The following ARPC1B variants were observed in gnomAD, a reference collection of about 807,000 sequenced individuals.
The protein encoded by ARPC1B is actin related protein 2/3 complex subunit 1B, also known as actin-related protein 2/3 complex subunit 1B.
In ARPC1B, 29 loss-of-function variants were observed where a neutral mutation model predicts 46.0. The ratio of observed to expected loss-of-function variants is 0.63; its 90% CI spans 0.47 to 0.86. ARPC1B has a LOEUF of 0.86. Ranked by LOEUF, ARPC1B falls within the 40% of genes least tolerant of loss-of-function variation. The pLI is 0.00. For missense variants in ARPC1B, 469 were observed against 529.4 expected (o/e 0.89, Z 1.12); for synonymous variants, 201 against 213.9 (o/e 0.94, Z 0.53).
intron 1 of ARPC1B, among the ~76,000 whole-genome samples, chr7:99,383,651 C>T (rs1413549890): frequency 6.6e-6 from 1 of 152,170 alleles, no homozygotes. Flanking sequence ...CAAAAGTTGA[C>T]ATTTGAGTAC....
intron 1 of ARPC1B, among the ~76,000 whole-genome samples, chr7:99,380,217 C>G (rs1003471328): frequency 6.6e-6 from 1 of 152,128 alleles, no homozygotes; most frequent in African/African-American, 2.4e-5. Flanking sequence ...GGAGTGTCCC[C>G]GGCTAGAATC....
Position 99,386,707 on chromosome 7 carries a change from C to A in ARPC1B, c.87C>A (p.Asn29Lys), listed in dbSNP as rs776262232. ...DRTQIAICPN[N>K]HEVHIYEKSG... ...CAGAGATTGCCATCTGCCCCAACAA[C>A]CATGAGGTGCATATCTATGAAAAGA... The change falls in exon 3 of 10, where the codon AAC (asparagine) becomes AAA (lysine). Residue 29 changes from asparagine to lysine, a missense_variant. By Grantham distance (94) the Asn-to-Lys change is moderately conservative (BLOSUM62 0). Transcript: ENST00000646101. 2 of 1,613,968 alleles carry A rather than the reference C, an allele frequency of 1.2e-6. No individual in the cohort carries two copies. Among genetic ancestry groups the A allele is most frequent in the East Asian group, 2.2e-5 (1 of 44,886 alleles).
At chr7:99,392,997 G>A in intron 8 of ARPC1B, 121 bp downstream of exon 8, 1 of 1,051,208 alleles carries the variant, frequency 9.5e-7, no homozygotes, top group Non-Finnish European at 1.3e-6. Context: ...TTGAGGACTG[G>A]GGACCCGGAG....
At chr7:99,378,444 G>C (rs1418917702) in intron 1 of ARPC1B, among the ~76,000 whole-genome samples, 1 of 151,404 alleles carries the variant, frequency 6.6e-6, no homozygotes, top group African/African-American at 2.4e-5. Flanking sequence ...ACTTTGGGAG[G>C]CCGAGGCGGG....
At chr7:99,389,530 G>C (rs1020742094) in intron 4 of ARPC1B, 1 of 186,570 alleles carries the variant, frequency 5.4e-6, no homozygotes, top group Admixed American at 5.6e-5. Flanking sequence ...CCACGTCTTA[G>C]TTTTTAATCT....
In ARPC1B at chr7:99,388,136, G is replaced by A. The variant is rs763515752; in HGVS notation, c.267G>A (p.Thr89=). 31 of 1,614,046 alleles carry A rather than the reference G, an allele frequency of 1.9e-5. No homozygotes were observed. In the Admixed American group the frequency reaches 3.0e-4, roughly 16 times the overall value. ...TGAAGGGCCGCACATGGAAGCCCAC[G>A]CTGGTCATCCTGCGGATCAACCGGG... ...WTLKGRTWKP[T]LVILRINRAA... is the part of the protein sequence containing the mutation. Residue 89 remains threonine, a synonymous_variant, in exon 4 of 10, where the codon ACG becomes ACA. Transcript: ENST00000646101.
At chr7:99,380,993 C>G (rs1378784721) in intron 1 of ARPC1B, among the ~76,000 whole-genome samples, 1 of 151,978 alleles carries the variant, frequency 6.6e-6, no homozygotes. Context: ...AGATGAGCAC[C>G]GTGAATCAGT....
At chr7:99,392,634 C>T (rs532524127) in intron 7 of ARPC1B, 37 bp from the exon 8 acceptor site, 76 of 1,443,680 alleles carry the variant, frequency 5.3e-5, no homozygotes, top group South Asian at 4.4e-4. Context: ...TCGGTTTCCC[C>T]TCCGCGGCGC....
intron 2 of ARPC1B, 104 bp from the exon 3 acceptor site, chr7:99,386,581 G>C: frequency 1.1e-6 from 1 of 931,870 alleles, no homozygotes; most frequent in Non-Finnish European, 1.8e-6. Context: ...GAGAGACTGA[G>C]TCATGAAAGG....
At chr7:99,378,566 C>T (rs543916507) in intron 1 of ARPC1B, among the ~76,000 whole-genome samples, 1 of 151,088 alleles carries the variant, frequency 6.6e-6, no homozygotes, top group East Asian at 2.1e-4. Context: ...ACCTGTAGTT[C>T]CACCTACTGG....
rs562907099 is a variant in ARPC1B, at chr7:99,392,595, C to G, written c.784-76C>G. 4,971 of 1,356,252 alleles carry G rather than the reference C, an allele frequency of 3.7e-3. 11 individuals are homozygous for G. The highest frequency in any genetic ancestry group is 4.3e-3 in the Non-Finnish European group (4,510 of 1,036,876). 84.0% of individuals were successfully genotyped at this position (1,356,252 alleles called of 1,614,324 possible). A position where few individuals can be genotyped will look rare whatever the true frequency, so the allele number is the denominator to read the frequency against. ...AGCTGGCATCTGCCTCCCGGGCGGC[C>G]AGACGCCCGCCTGGCCTTCCCTCCG... On this transcript the variant is annotated intron_variant, in intron 7 of 9. Transcript: ENST00000646101.
At chr7:99,383,861 G>A (rs1370056387) in intron 1 of ARPC1B, among the ~76,000 whole-genome samples, 2 of 152,192 alleles carry the variant, frequency 1.3e-5, no homozygotes, top group Non-Finnish European at 2.9e-5. Flanking sequence ...AAGAGTAACC[G>A]CCTCGTGGTT....
chr7:99,375,491 G>A lies in ARPC1B; in HGVS notation c.-14+710G>A, dbSNP rs555727105. Among the ~76,000 whole-genome samples the A allele has an allele frequency of 1.4e-3, 213 of 152,264 alleles. 1 individual carries two copies. Among genetic ancestry groups the A allele is most frequent in the Admixed American group, 3.8e-3 (58 of 15,294 alleles). The stretch of plus-strand genomic sequence containing the variant: ...TCCGAGCAGCCCCTCCCTTTCCGGA[G>A]GCGCTGGGAGAGCAGCCAGGCCGCC... On this transcript the variant is annotated intron_variant, in intron 1 of 9. Coordinates refer to ENST00000646101, the MANE Select transcript of ARPC1B (RefSeq NM_005720.4).
chr7:99,389,972 A>C lies in ARPC1B; in HGVS notation c.460A>C (p.Asn154His). ...TVLSLDWHPN[N>H]VLLAAGSCDF... is the part of the protein sequence containing the mutation. ...CCTCAGCCTGGACTGGCACCCCAAC[A>C]ATGTGCTGCTGGCTGCCGGCTCCTG... Residue 154 changes from asparagine to histidine, a missense_variant, in exon 5 of 10, where the codon AAT (asparagine) becomes CAT (histidine). By Grantham distance (68) the Asn-to-His change is moderately conservative. Transcript: ENST00000646101. 3.7e-6 allele frequency: 6 copies of C among 1,614,062 alleles called. No homozygotes were observed. Among genetic ancestry groups the C allele is most frequent in the Non-Finnish European group, 5.1e-6 (6 of 1,179,998 alleles).
In ARPC1B at chr7:99,394,116, G is replaced by A. The variant is rs546018882; in HGVS notation, c.1077G>A (p.Val359=). ...ATGGCGGCATGAGTATCTGGGATGTGAAGGTGAGGCTTGCCCCTCCTGGCT... is the reference window on the plus strand; with the variant it reads ...ATGGCGGCATGAGTATCTGGGATGTAAAGGTGAGGCTTGCCCCTCCTGGCT... ...GMDGGMSIWD[V]KSLESALKDL... Residue 359 remains valine (V), a synonymous_variant, in exon 9 of 10, where the codon GTG becomes GTA. Transcript: ENST00000646101. 6.2e-7 allele frequency: 1 copy of A among 1,613,392 alleles called. No homozygotes were observed. Among genetic ancestry groups the A allele is most frequent in the Non-Finnish European group, 8.5e-7 (1 of 1,180,002 alleles).
intron 1 of ARPC1B, among the ~76,000 whole-genome samples, chr7:99,385,315 G>C (rs1029884848): frequency 1.4e-5 from 2 of 141,980 alleles, no homozygotes; most frequent in Non-Finnish European, 3.1e-5. Flanking sequence ...TGGGGGGGGG[G>C]GGGTCGTCCA....
At chr7:99,379,072 T>C (rs1304548331) in intron 1 of ARPC1B, among the ~76,000 whole-genome samples, 3 of 152,164 alleles carry the variant, frequency 2.0e-5, no homozygotes, top group African/African-American at 7.2e-5. Context: ...CCACCACACC[T>C]GGCCAGAATG....
chr7:99,394,133 C>T lies in ARPC1B; in HGVS notation c.1080+14C>T, dbSNP rs377232345. 3.1e-6 allele frequency: 5 copies of T among 1,612,326 alleles called. No individual in the cohort carries two copies. Among genetic ancestry groups the T allele is most frequent in the African/African-American group, 1.3e-5 (1 of 75,056 alleles). On this transcript the variant is annotated intron_variant, in intron 9 of 9. Transcript: ENST00000646101. ...TGGGATGTGAAGGTGAGGCTTGCCC[C>T]TCCTGGCTTCCCGCCATGCCTCCCA...
Position 99,394,289 on chromosome 7 carries a change from C to T in ARPC1B, c.1081-162C>T, listed in dbSNP as rs1739630254. The T allele has an allele frequency of 2.9e-6, 3 of 1,022,396 alleles. No individual in the cohort carries two copies. In the South Asian group the frequency reaches 4.1e-5, roughly 14 times the overall value. The allele number at this position is 1,022,396 out of a possible 1,614,324, so 63.3% of individuals were successfully genotyped here. Reference sequence around the variant, plus strand: ...ATCTGGGCCTTGGTGCTCACTGGGGCACCCGTCTTCAGGGCCGGGATTCCA... The same window carrying T: ...ATCTGGGCCTTGGTGCTCACTGGGGTACCCGTCTTCAGGGCCGGGATTCCA... On this transcript the variant is annotated intron_variant, in intron 9 of 9. Coordinates refer to ENST00000646101, the MANE Select transcript of ARPC1B (RefSeq NM_005720.4).
Sources: allele counts gnomAD v4.1 joint callset (sites outside exome capture counted in the v4.1 genomes callset), GRCh38; gene constraint gnomAD v4.1.1; transcripts MANE v1.5; gene names NCBI Gene and HGNC (gene_info 2026-07-23, HGNC 2026-07-21).